CDH12: variants seen among roughly 807,000 people sequenced by gnomAD.
CDH12 encodes cadherin 12.
A neutral mutation model predicts 74.1 loss-of-function variants in CDH12; 41 were observed. The ratio of observed to expected loss-of-function variants is 0.55; its 90% CI spans 0.43 to 0.72. CDH12 has a LOEUF of 0.72. Ranked by LOEUF, CDH12 falls within the 30% of genes least tolerant of loss-of-function variation. The probability of loss-of-function intolerance (pLI) is 0.00; values close to 1 mark genes in which losing one functional copy is unlikely to be tolerated. For synonymous variants in CDH12, 399 were observed against 355.0 expected, an observed-to-expected ratio of 1.12 and a Z score of -1.39; for missense variants, 945 against 977.2, an observed-to-expected ratio of 0.97 and a Z score of 0.44.
chr5:21,866,497 G>A (rs1751334555), intron 6 of CDH12, among the ~76,000 whole-genome samples: 1 of 152,168 alleles, frequency 6.6e-6, no homozygotes, highest in Non-Finnish European at 1.5e-5. Flanking sequence ...CTCCTGTCAT[G>A]TTTTAGTAAA....
intron 1 of CDH12, among the ~76,000 whole-genome samples, chr5:22,754,582 AAAAC>A (rs1432905146): frequency 6.6e-6 from 1 of 151,376 alleles, no homozygotes; most frequent in East Asian, 2.0e-4. Context: ...AAAAAAAAAA[AAAAC>A]AACAGCAGCT....
In CDH12 at chr5:22,229,802, G is replaced by A. The variant is rs555761471; in HGVS notation, c.-332-17159C>T. 2.6e-5 allele frequency among the ~76,000 whole-genome samples: 4 copies of A among 152,062 alleles called. No individual in the cohort carries two copies. The South Asian group carries it at 6.2e-4, about 24-fold the overall frequency. ...ACTCCGGATACTCTGTATTTAATGT[G>A]CTTTGAGTCAATAATCCCAGAGTCT... On this transcript the variant is annotated intron_variant, in intron 3 of 14. Coordinates refer to ENST00000382254, the MANE Select transcript of CDH12 (RefSeq NM_004061.5).
chr5:22,202,157 TCCTTCCTTCCTC>T (rs751085262), intron 4 of CDH12, among the ~76,000 whole-genome samples: 12,463 of 58,674 alleles, frequency 0.21, 1,198 homozygotes, highest in East Asian at 0.4. Context: ...TTTCCTTCCT[TCCTTCCTTCCTC>T]CCTTCCTTCC....
chr5:22,730,956 C>T (rs1437333997), intron 1 of CDH12, among the ~76,000 whole-genome samples: 3 of 151,666 alleles, frequency 2.0e-5, no homozygotes, highest in Admixed American at 6.6e-5. Flanking sequence ...TTAGACATAA[C>T]CCAATTGAAA....
intron 2 of CDH12, among the ~76,000 whole-genome samples, chr5:22,471,100 T>A (rs904907951): frequency 3.4e-5 from 1 of 29,838 alleles, no homozygotes; most frequent in South Asian, 8.8e-4. Flanking sequence ...TCTAGGATAA[T>A]CTCTTTCTCG....
intron 3 of CDH12, among the ~76,000 whole-genome samples, chr5:22,369,738 G>A (rs1039724510): frequency 2.0e-5 from 3 of 152,108 alleles, no homozygotes; most frequent in African/African-American, 7.2e-5. Context: ...TAAATTTGAA[G>A]AGTAAAATTT....
rs140896564 is a variant in CDH12 at position 22,767,135 on chromosome 5, A to G, written c.-523+85923T>C. Among the ~76,000 whole-genome samples, 574 of 152,158 alleles carry G rather than the reference A, an allele frequency of 3.8e-3. 5 individuals are homozygous for G. Among genetic ancestry groups the G allele is most frequent in the African/African-American group, 0.013 (559 of 41,560 alleles). ...CTGAATCTAATGTTTGTGGATTTAA[A>G]AATCCACCTTGTCTAGGATTGATTT... On this transcript the variant is annotated intron_variant, in intron 1 of 14. Transcript: ENST00000382254.
intron 1 of CDH12, among the ~76,000 whole-genome samples, chr5:22,572,770 A>C (rs527408323): frequency 6.6e-6 from 1 of 152,306 alleles, no homozygotes; most frequent in Admixed American, 6.5e-5. Flanking sequence ...CTGAAAGAAC[A>C]AAAGTATAAA....
chr5:22,236,989 T>C (rs1025167939), intron 3 of CDH12, among the ~76,000 whole-genome samples: 12 of 151,732 alleles, frequency 7.9e-5, no homozygotes, highest in Non-Finnish European at 1.5e-4. Context: ...AAGGAATACA[T>C]GCTAAAATAA....
intron 9 of CDH12, among the ~76,000 whole-genome samples, chr5:21,815,680 T>A (rs1465065115): frequency 1.3e-5 from 2 of 152,300 alleles, no homozygotes; most frequent in East Asian, 3.9e-4. Flanking sequence ...CTTAAAGCTC[T>A]CTCACGTCCA....
chr5:21,765,143 T>C (rs756876480), intron 11 of CDH12, 44 bp from the exon 12 acceptor site: 1 of 1,448,048 alleles, frequency 6.9e-7, no homozygotes, highest in East Asian at 2.5e-5. Context: ...CAAAATCCGG[T>C]CAGTTATTGC....
intron 1 of CDH12, among the ~76,000 whole-genome samples, chr5:22,555,465 T>C (rs1738760110): frequency 6.6e-6 from 1 of 151,926 alleles, no homozygotes. Context: ...AAAATGAGTG[T>C]GTGGGAAGAA....
intron 1 of CDH12, among the ~76,000 whole-genome samples, chr5:22,589,424 G>A (rs1426409770): frequency 2.0e-5 from 3 of 152,060 alleles, no homozygotes; most frequent in Non-Finnish European, 4.4e-5. Context: ...TGAGGCCCAT[G>A]GCTCCTCAAG....
At chr5:22,777,747 T>A in intron 1 of CDH12, among the ~76,000 whole-genome samples, 1 of 152,074 alleles carries the variant, frequency 6.6e-6, no homozygotes. Context: ...ATGTAAAAAA[T>A]TATTTCTATG....
At chr5:22,586,837 A>ATT (rs11417237) in intron 1 of CDH12, among the ~76,000 whole-genome samples, 14,520 of 105,090 alleles carry the variant, frequency 0.14, 1,080 homozygotes, top group Admixed American at 0.27. Context: ...TTAGAGGAGG[A>ATT]TTTTTTTTTT....
intron 2 of CDH12, among the ~76,000 whole-genome samples, chr5:22,416,269 G>T (rs1580625065): frequency 6.6e-6 from 1 of 151,288 alleles, no homozygotes; most frequent in South Asian, 2.1e-4. Context: ...TAGAGACGGG[G>T]TTTCACCGTG....
intron 6 of CDH12, among the ~76,000 whole-genome samples, chr5:21,931,614 T>C (rs1202379051): frequency 6.6e-6 from 1 of 152,202 alleles, no homozygotes; most frequent in Non-Finnish European, 1.5e-5. Flanking sequence ...TGAGAAGCTA[T>C]GCATATTATA....
chr5:22,785,793 C>A (rs1008016978), intron 1 of CDH12, among the ~76,000 whole-genome samples: 1 of 152,132 alleles, frequency 6.6e-6, no homozygotes, highest in African/African-American at 2.4e-5. Flanking sequence ...TCTGGGATTA[C>A]AGTTGTATGC....
At chr5:22,054,342 T>C (rs1406304203) in intron 5 of CDH12, among the ~76,000 whole-genome samples, 1 of 152,164 alleles carries the variant, frequency 6.6e-6, no homozygotes, top group East Asian at 1.9e-4. Flanking sequence ...CACATTCATA[T>C]ATATAGATAT....
Sources: gnomAD v4.1 joint callset for allele counts (sites outside exome capture counted in the v4.1 genomes callset) on GRCh38, gnomAD v4.1.1 for gene constraint, MANE v1.5 for transcripts, NCBI Gene and HGNC (gene_info 2026-07-23, HGNC 2026-07-21) for gene names.